Variants in DISP1 observed in about 807,000 individuals in gnomAD.
The protein encoded by DISP1 is protein dispatched homolog 1.
In DISP1, 30 loss-of-function variants were observed where a neutral mutation model predicts 37.3. The ratio of observed to expected loss-of-function variants is 0.80; its 90% CI spans 0.60 to 1.09. The LOEUF (loss-of-function observed/expected upper bound fraction) is 1.09, where lower values mean the gene tolerates loss of function less well. DISP1 is among the 50% of genes least tolerant of loss of function. DISP1 has a pLI of 0.00. For missense variants in DISP1, 1,598 were observed against 1,879.5 expected, an observed-to-expected ratio of 0.85 and a Z score of 2.77; for synonymous variants, 634 against 690.2, an observed-to-expected ratio of 0.92 and a Z score of 1.28.
At chr1:222,938,733 T>TAAA (rs33948431) in intron 2 of DISP1, among the ~76,000 whole-genome samples, 3 of 57,628 alleles carry the variant, frequency 5.2e-5, no homozygotes, top group Admixed American at 4.8e-4. Flanking sequence ...ACCCTGTCTT[T>TAAA]AAAAAAAAAA....
intron 4 of DISP1, among the ~76,000 whole-genome samples, chr1:222,985,495 C>A (rs1263939618): frequency 6.6e-6 from 1 of 152,076 alleles, no homozygotes; most frequent in Non-Finnish European, 1.5e-5. Flanking sequence ...ACTAAAAATA[C>A]AAAAATTAGC....
intron 3 of DISP1, among the ~76,000 whole-genome samples, chr1:222,962,358 A>T (rs1330289967): frequency 1.3e-5 from 2 of 152,216 alleles, no homozygotes; most frequent in Non-Finnish European, 2.9e-5. Flanking sequence ...TACTACCCAA[A>T]GTGATTTATA....
chr1:222,903,179 T>A (rs1671697655), intron 1 of DISP1, among the ~76,000 whole-genome samples: 1 of 151,670 alleles, frequency 6.6e-6, no homozygotes, highest in Non-Finnish European at 1.5e-5. Context: ...GAAATCATTC[T>A]CAGCAAACTA....
At chr1:222,912,038 CAT>C (rs1480328585) in intron 1 of DISP1, among the ~76,000 whole-genome samples, 5 of 152,198 alleles carry the variant, frequency 3.3e-5, no homozygotes, top group Non-Finnish European at 5.9e-5. Context: ...AGCCAGCACT[CAT>C]GTGATCTTTG....
rs564080112 is a variant in DISP1, at chr1:222,896,286, T to A, written c.-158-32144T>A. Reference sequence around the variant, plus strand: ...TCCTGCCACTGCACTCCAGCCTGGGTGACAGAGCACAATCCTGTCTCAAAA... The same window carrying A: ...TCCTGCCACTGCACTCCAGCCTGGGAGACAGAGCACAATCCTGTCTCAAAA... On this transcript the variant is annotated intron_variant, in intron 1 of 8. Coordinates refer to ENST00000675850, the MANE Select transcript of DISP1 (RefSeq NM_001377229.1). Among the ~76,000 whole-genome samples, 3 of 150,580 alleles carry A rather than the reference T, an allele frequency of 2.0e-5. No individual in the cohort carries two copies. The East Asian group carries it at 6.0e-4, about 30-fold the overall frequency.
At position 223,004,811 on chromosome 1, in the gene DISP1, T is replaced by G; in HGVS notation, c.3414T>G (p.Gly1138=). 1 of 1,611,838 alleles carries G rather than the reference T, an allele frequency of 6.2e-7. No homozygotes were observed. Among genetic ancestry groups the G allele is most frequent in the African/African-American group, 1.3e-5 (1 of 75,040 alleles). ...QCMCRCLGPQ[G]TCGQIPLPKK... ...TGTGCCGGTGCCTTGGACCACAGGG[T>G]ACCTGTGGTCAGATTCCTTTACCTA... Residue 1138 remains glycine, a synonymous_variant, in exon 9 of 9, where the codon GGT becomes GGG. Coordinates refer to ENST00000675850, the MANE Select transcript of DISP1 (RefSeq NM_001377229.1). This position sits in a 1 kb window ranked among gnomAD's most constrained non-coding sequence, Gnocchi z 4.9.
intron 4 of DISP1, among the ~76,000 whole-genome samples, chr1:222,987,727 T>C (rs968047487): frequency 2.0e-5 from 3 of 152,236 alleles, no homozygotes; most frequent in Admixed American, 6.5e-5. Context: ...TACTGCCCTC[T>C]ATTGATAACA....
intron 1 of DISP1, among the ~76,000 whole-genome samples, chr1:222,851,215 C>T (rs543972740): frequency 3.3e-5 from 5 of 151,964 alleles, no homozygotes; most frequent in South Asian, 2.1e-4. Context: ...CACAGGCATA[C>T]GGCACCACAC....
rs200623849 is a variant in DISP1 at position 223,003,170 on chromosome 1, C to T, written c.1773C>T (p.Ala591=). The change falls in exon 9 of 9, where the codon GCC becomes GCT. Residue 591 remains alanine (A), a synonymous_variant. Transcript: ENST00000675850. This position sits in a 1 kb window ranked among gnomAD's most constrained non-coding sequence, Gnocchi z 4.3. ...ACACAAAATTTGATAAGCCTCATGC[C>T]GAAACCTCAGAAACAGTAAGCATCA... ...WNYTKFDKPH[A]ETSETVSITL... 343 of 1,614,174 alleles carry T rather than the reference C, an allele frequency of 2.1e-4. No individual in the cohort carries two copies. Among genetic ancestry groups the T allele is most frequent in the Middle Eastern group, 6.6e-4 (4 of 6,062 alleles).
At chr1:222,945,141 G>T (rs960687210) in intron 3 of DISP1, among the ~76,000 whole-genome samples, 1 of 152,210 alleles carries the variant, frequency 6.6e-6, no homozygotes, top group Non-Finnish European at 1.5e-5. Context: ...GAAGGGAAAC[G>T]TGGTAATAAA....
intron 3 of DISP1, among the ~76,000 whole-genome samples, chr1:222,970,716 A>G (rs776486744): frequency 2.0e-5 from 3 of 152,206 alleles, no homozygotes; most frequent in Non-Finnish European, 4.4e-5. Flanking sequence ...ATTAACACCC[A>G]GTTTGAAACT....
intron 1 of DISP1, among the ~76,000 whole-genome samples, chr1:222,878,204 A>G (rs1170515180): frequency 6.6e-6 from 1 of 152,218 alleles, no homozygotes; most frequent in Admixed American, 6.5e-5. Context: ...GATCTGGTGA[A>G]CTAGTGCAGA....
intron 1 of DISP1, among the ~76,000 whole-genome samples, chr1:222,880,920 G>T (rs1283540619): frequency 6.6e-6 from 1 of 151,908 alleles, no homozygotes; most frequent in East Asian, 1.9e-4. Context: ...TATTAGCTGG[G>T]TGTGGTGGTG....
chr1:222,888,396 T>G (rs1447003238), intron 1 of DISP1, among the ~76,000 whole-genome samples: 1 of 152,172 alleles, frequency 6.6e-6, no homozygotes, highest in African/African-American at 2.4e-5. Flanking sequence ...AGTTAAAAAT[T>G]TCAAGCTGAA....
At chr1:222,991,978 AC>A (rs1678726755) in intron 6 of DISP1, 34 bp from the exon 7 acceptor site, 1 of 1,521,374 alleles carries the variant, frequency 6.6e-7, no homozygotes, top group Non-Finnish European at 9.1e-7. Flanking sequence ...AATAACGAGA[AC>A]TTTATTGAAG....
intron 1 of DISP1, among the ~76,000 whole-genome samples, chr1:222,852,544 G>A (rs1668326741): frequency 6.6e-6 from 1 of 152,012 alleles, no homozygotes; most frequent in Admixed American, 6.6e-5. Flanking sequence ...TCATTCACAT[G>A]AATCATCATG....
intron 1 of DISP1, among the ~76,000 whole-genome samples, chr1:222,894,690 C>G (rs1671144780): frequency 6.6e-6 from 1 of 152,304 alleles, no homozygotes; most frequent in African/African-American, 2.4e-5. Context: ...GAGCATGGGG[C>G]TCCTGCTTTG....
At chr1:222,970,857 C>T (rs1430938950) in intron 3 of DISP1, among the ~76,000 whole-genome samples, 1 of 152,122 alleles carries the variant, frequency 6.6e-6, no homozygotes, top group Non-Finnish European at 1.5e-5. Context: ...ACAGAATCTA[C>T]ACCGTGACAA....
chr1:222,828,338 G>A (rs1664927025), intron 1 of DISP1, among the ~76,000 whole-genome samples: 1 of 151,610 alleles, frequency 6.6e-6, no homozygotes, highest in African/African-American at 2.4e-5. Flanking sequence ...TTTTCTCTAT[G>A]GTTACCGTAG....
Sources: allele counts gnomAD v4.1 joint callset (sites outside exome capture counted in the v4.1 genomes callset), GRCh38; gene constraint gnomAD v4.1.1; non-coding constraint Gnocchi (gnomAD v3.1); transcripts MANE v1.5; gene names NCBI Gene and HGNC (gene_info 2026-07-23, HGNC 2026-07-21).